TLE1: variants seen among roughly 807,000 people sequenced by gnomAD.
TLE1 encodes the protein transducin-like enhancer protein 1.
TLE1 carries 21 observed loss-of-function variants against 89.8 expected under a neutral mutation model. The observed-to-expected ratio is 0.23, with a 90% CI of 0.17 to 0.34. The LOEUF (loss-of-function observed/expected upper bound fraction) is 0.34. TLE1 is among the 10% of genes least tolerant of loss of function. The probability of loss-of-function intolerance (pLI) is 1.00; values close to 1 mark genes in which losing one functional copy is unlikely to be tolerated. For missense variants in TLE1, 795 were observed against 1,031.2 expected (o/e 0.77, Z 3.14); for synonymous variants, 447 against 407.6 (o/e 1.10, Z -1.16).
chr9:81,637,605 T>G (rs1827555718), intron 6 of TLE1, among the ~76,000 whole-genome samples: 1 of 151,544 alleles, frequency 6.6e-6, no homozygotes. Context: ...TAGAGGTAAC[T>G]GGGTTCTTCC....
chr9:81,588,260 A>G (rs1828898082), intron 16 of TLE1, among the ~76,000 whole-genome samples: 1 of 152,234 alleles, frequency 6.6e-6, no homozygotes, highest in Admixed American at 6.5e-5. Flanking sequence ...TGAGTCCGTG[A>G]GAGAAAGAAA....
intron 4 of TLE1, among the ~76,000 whole-genome samples, chr9:81,665,490 G>A (rs539041921): frequency 3.3e-5 from 5 of 151,812 alleles, no homozygotes; most frequent in African/African-American, 7.3e-5. Flanking sequence ...GCAGTTCTCT[G>A]AAAACAAGGA....
chr9:81,677,235 T>C (rs1016172239), intron 4 of TLE1, among the ~76,000 whole-genome samples: 1 of 131,904 alleles, frequency 7.6e-6, no homozygotes, highest in Admixed American at 7.6e-5. Flanking sequence ...GAGACTCGTC[T>C]TCCCCCCCCC....
At chr9:81,684,410 C>A (rs1834001116) in intron 4 of TLE1, among the ~76,000 whole-genome samples, 1 of 152,086 alleles carries the variant, frequency 6.6e-6, no homozygotes, top group Non-Finnish European at 1.5e-5. Flanking sequence ...CCCTGAAAAT[C>A]ACAATCTCTT....
chr9:81,591,199 G>A, intron 15 of TLE1, 147 bp from the exon 16 acceptor site: 2 of 1,114,526 alleles, frequency 1.8e-6, no homozygotes, highest in South Asian at 1.6e-5. Context: ...CAAGATTGGG[G>A]TCCAAGTACA....
At chr9:81,686,658 ACCTT>A (rs1834323315) in intron 2 of TLE1, among the ~76,000 whole-genome samples, 1 of 152,206 alleles carries the variant, frequency 6.6e-6, no homozygotes, top group South Asian at 2.1e-4. Context: ...AAAGAAACTA[ACCTT>A]TCTGGGAAGT....
chr9:81,673,789 T>C (rs73647874), intron 4 of TLE1, among the ~76,000 whole-genome samples: 1,673 of 152,196 alleles, frequency 0.011, 38 homozygotes, highest in African/African-American at 0.038. Flanking sequence ...AATGTTGTCA[T>C]TGGAAAAGCT....
intron 4 of TLE1, among the ~76,000 whole-genome samples, chr9:81,683,560 CTTA>C (rs745712794): frequency 1.2e-4 from 18 of 152,148 alleles, no homozygotes; most frequent in Middle Eastern, 3.2e-3. Flanking sequence ...CTCCTCAGAA[CTTA>C]TTATTAATGT....
intron 11 of TLE1, among the ~76,000 whole-genome samples, chr9:81,615,083 A>G (rs1390707935): frequency 1.0e-3 from 11 of 10,658 alleles, no homozygotes; most frequent in African/African-American, 5.1e-3. Context: ...CTCCATCTCA[A>G]AAAAAAAAAA....
At chr9:81,673,284 A>C (rs1832466605) in intron 4 of TLE1, among the ~76,000 whole-genome samples, 2 of 151,178 alleles carry the variant, frequency 1.3e-5, no homozygotes, top group South Asian at 4.2e-4. Context: ...AAAAAAAAAA[A>C]AAAAAAAAAA....
At chr9:81,660,812 T>C (rs1490434662) in intron 4 of TLE1, among the ~76,000 whole-genome samples, 2 of 150,772 alleles carry the variant, frequency 1.3e-5, no homozygotes, top group Non-Finnish European at 3.0e-5. Flanking sequence ...AAATTCAAGA[T>C]ATGGCCGGGC....
At chr9:81,623,617 TAA>T (rs751545706) in intron 8 of TLE1, among the ~76,000 whole-genome samples, 3 of 44,498 alleles carry the variant, frequency 6.7e-5, no homozygotes, top group Admixed American at 2.8e-4. Context: ...CATCTGTACT[TAA>T]AAAAAAAAAA....
intron 9 of TLE1, among the ~76,000 whole-genome samples, chr9:81,619,395 C>T (rs937591177): frequency 8.5e-5 from 13 of 152,166 alleles, no homozygotes; most frequent in African/African-American, 3.1e-4. Context: ...CTACAGCTGG[C>T]TCCAGCAAAT....
intron 14 of TLE1, among the ~76,000 whole-genome samples, chr9:81,597,058 G>A (rs114157429): frequency 0.012 from 1,798 of 152,208 alleles, 31 homozygotes; most frequent in African/African-American, 0.041. Flanking sequence ...CCTCTCTCTG[G>A]TTCTCTGGCT....
chr9:81,584,961 TCCAC>T (rs1554715297), intron 18 of TLE1, among the ~76,000 whole-genome samples: 1 of 121,300 alleles, frequency 8.2e-6, no homozygotes, highest in African/African-American at 2.9e-5. Flanking sequence ...TAGGCACTCA[TCCAC>T]CCATCCATCC....
At chr9:81,595,102 G>A (rs1830013352) in intron 14 of TLE1, among the ~76,000 whole-genome samples, 1 of 152,204 alleles carries the variant, frequency 6.6e-6, no homozygotes. Context: ...GAACCATGGA[G>A]ACTGTCCTGG....
chr9:81,686,923 C>A (rs768221165), intron 2 of TLE1, among the ~76,000 whole-genome samples: 11 of 152,140 alleles, frequency 7.2e-5, no homozygotes, highest in Non-Finnish European at 1.5e-4. Flanking sequence ...CCTCAGAAAA[C>A]CCAATTTTCT....
intron 8 of TLE1, among the ~76,000 whole-genome samples, chr9:81,626,717 T>C (rs1294480993): frequency 1.3e-5 from 2 of 152,136 alleles, no homozygotes; most frequent in African/African-American, 4.8e-5. Flanking sequence ...GGAGGACTCA[T>C]GGAAAGATAG....
At chr9:81,652,106 TACACACACACAC>T (rs3045544) in intron 6 of TLE1, 96 bp downstream of exon 6, 99 of 696,354 alleles carry the variant, frequency 1.4e-4, no homozygotes, top group African/African-American at 2.2e-4. Flanking sequence ...AACGTTAAGA[TACACACACACAC>T]ACACACACAC....
Sources: gnomAD v4.1 joint callset for allele counts (sites outside exome capture counted in the v4.1 genomes callset) on GRCh38, gnomAD v4.1.1 for gene constraint, MANE v1.5 for transcripts, NCBI Gene and HGNC (gene_info 2026-07-23, HGNC 2026-07-21) for gene names.